Variants in ANKRD36 observed in about 807,000 individuals in gnomAD.
ANKRD36 encodes the protein ankyrin repeat domain 36.
A neutral mutation model predicts 278.1 loss-of-function variants in ANKRD36; 179 were observed. The ratio of observed to expected loss-of-function variants is 0.64; its 90% CI spans 0.57 to 0.73. The LOEUF (loss-of-function observed/expected upper bound fraction) is 0.73. Ranked by LOEUF, ANKRD36 falls within the 30% of genes least tolerant of loss-of-function variation. The pLI is 0.00. For missense variants in ANKRD36, 1,159 were observed against 1,956.7 expected (o/e 0.59, Z 7.69); for synonymous variants, 320 against 641.1 (o/e 0.50, Z 7.57).
intron 22 of ANKRD36, among the ~76,000 whole-genome samples, chr2:97,178,706 AT>A (rs1005181035): frequency 2.0e-5 from 3 of 150,568 alleles, no homozygotes; most frequent in Non-Finnish European, 4.4e-5. Context: ...GAGGGATAGC[AT>A]TGGGAGATAT....
chr2:97,148,051 ATCT>A (rs1261436124), intron 11 of ANKRD36, among the ~76,000 whole-genome samples: 2 of 152,028 alleles, frequency 1.3e-5, no homozygotes, highest in Admixed American at 6.6e-5. Context: ...ATGTGGTATC[ATCT>A]TCTTCCATCC....
chr2:97,229,830 C>A (rs1476243191), intron 67 of ANKRD36, among the ~76,000 whole-genome samples: 2 of 152,002 alleles, frequency 1.3e-5, no homozygotes, highest in Non-Finnish European at 2.9e-5. Flanking sequence ...TAGGGCAAGC[C>A]TGGTGGTGAC....
At chr2:97,202,078 G>C (rs868747695) in intron 46 of ANKRD36, 124 bp from the exon 47 acceptor site, 283 of 1,546,510 alleles carry the variant, frequency 1.8e-4, no homozygotes, top group Middle Eastern at 7.0e-4. Context: ...ACACAAAGTA[G>C]AAGCCATGAA....
intron 15 of ANKRD36, among the ~76,000 whole-genome samples, chr2:97,157,644 A>T (rs1337964278): frequency 6.9e-6 from 1 of 144,098 alleles, no homozygotes; most frequent in Non-Finnish European, 1.5e-5. Context: ...AATAGAAGCA[A>T]CTTACACTGT....
chr2:97,118,400 T>C lies in ANKRD36; in HGVS notation c.369T>C (p.Asn123=). ...CATLLLQNGA[N]PNITDFFGRT... The stretch of plus-strand genomic sequence containing the variant: ...CTCTTCTGCTGCAAAATGGCGCCAA[T>C]CCAAATATTACGGATTTCTTTGGAA... Residue 123 remains asparagine (N), a synonymous_variant, in exon 3 of 76, where the codon AAT becomes AAC. Coordinates refer to ENST00000420699, the MANE Select transcript of ANKRD36 (RefSeq NM_001354587.1). The C allele has an allele frequency of 6.2e-7, 1 of 1,608,226 alleles. No homozygotes were observed. Among genetic ancestry groups the C allele is most frequent in the Non-Finnish European group, 8.5e-7 (1 of 1,177,690 alleles).
intron 54 of ANKRD36, among the ~76,000 whole-genome samples, chr2:97,209,017 T>C (rs1169826677): frequency 6.8e-6 from 1 of 146,728 alleles, no homozygotes; most frequent in East Asian, 2.0e-4. Context: ...TATTATCCTT[T>C]GGTGCCAAGA....
chr2:97,185,538 A>G lies in ANKRD36; in HGVS notation c.2041+28A>G, dbSNP rs547677979. The G allele has an allele frequency of 2.1e-4, 343 of 1,602,838 alleles. 2 individuals carry two copies. In the African/African-American group the frequency reaches 3.6e-3, roughly 17 times the overall value. On this transcript the variant is annotated intron_variant, in intron 30 of 75. Transcript: ENST00000420699. The stretch of plus-strand genomic sequence containing the variant: ...AATTTTGCAAAACACATTTAATGTC[A>G]TGTTCAGTCCAGATAGAAAAGAACT...
At chr2:97,200,568 A>G (rs2061070433) in intron 46 of ANKRD36, 43 bp downstream of exon 46, 1 of 1,538,156 alleles carries the variant, frequency 6.5e-7, no homozygotes, top group Admixed American at 2.0e-5. Context: ...CAGTCCAGAT[A>G]AGAAGTTCTC....
At chr2:97,134,230 G>A (rs4101902) in intron 6 of ANKRD36, among the ~76,000 whole-genome samples, 87,298 of 149,958 alleles carry the variant, frequency 0.58, 29,364 homozygotes, top group Non-Finnish European at 0.78. Flanking sequence ...GCTATCCATT[G>A]TGCTTTTTTG....
At chr2:97,162,945 CAAT>C (rs943872190) in intron 18 of ANKRD36, among the ~76,000 whole-genome samples, 31 of 152,332 alleles carry the variant, frequency 2.0e-4, no homozygotes, top group African/African-American at 7.5e-4. Context: ...GTGTAACTGT[CAAT>C]AATCATGGCA....
chr2:97,200,598 G>T, intron 46 of ANKRD36, 73 bp downstream of exon 46: 3 of 1,530,824 alleles, frequency 2.0e-6, no homozygotes, highest in East Asian at 4.9e-5. Context: ...TAAATCAGTC[G>T]GGGGCTGGTT....
rs2443855 is a variant in ANKRD36, at chr2:97,179,743, T to C, written c.1639T>C (p.Ser547Pro). 6.1e-5 allele frequency: 98 copies of C among 1,593,684 alleles called. No homozygotes were observed. The highest frequency in any genetic ancestry group is 1.6e-4 in the African/African-American group (12 of 74,660). ...GTATCCCTTTTGCTTTTCAGTGTCT[T>C]CTCAGAAACAACCAGCTGAGAAGGT... Reference protein sequence around the residue: ...KDSPPPGKVSSQKQPAEKATS... With the variant: ...KDSPPPGKVSPQKQPAEKATS... The change falls in exon 23 of 76, where the codon TCT becomes CCT. Residue 547 changes from serine to proline, a missense_variant. Coordinates refer to ENST00000420699, the MANE Select transcript of ANKRD36 (RefSeq NM_001354587.1).
intron 39 of ANKRD36, 38 bp downstream of exon 39, chr2:97,194,792 G>C (rs149975528): frequency 1.9e-6 from 3 of 1,602,264 alleles, no homozygotes; most frequent in Non-Finnish European, 8.5e-7. Context: ...GCTAGTAAAC[G>C]TATAGCCTAT....
chr2:97,139,980 T>A (rs1473129735), intron 6 of ANKRD36, among the ~76,000 whole-genome samples: 2 of 151,936 alleles, frequency 1.3e-5, no homozygotes, highest in East Asian at 3.8e-4. Flanking sequence ...AAAAACACCC[T>A]GTAAAGCTGT....
intron 12 of ANKRD36, among the ~76,000 whole-genome samples, chr2:97,149,841 A>C (rs1157695524): frequency 6.6e-6 from 1 of 151,740 alleles, no homozygotes; most frequent in African/African-American, 2.4e-5. Context: ...ATATTTTGAT[A>C]TCATACTGTA....
rs550176856 is a variant in ANKRD36, at chr2:97,113,864, A to C, written c.125A>C (p.His42Pro). The C allele has an allele frequency of 1.2e-5, 20 of 1,608,418 alleles. No homozygotes were observed. The highest frequency in any genetic ancestry group is 1.7e-5 in the Non-Finnish European group (20 of 1,178,080). Residue 42 changes from histidine to proline, a missense_variant, in exon 1 of 76, where the codon CAT becomes CCT. By Grantham distance (77) the His-to-Pro change is moderately conservative. Transcript: ENST00000420699. ...AAGAGGATCCACAGAGCTGTCTTAC[A>C]TGGTAATCTAGAGAAACTGAAGTAC... The part of the protein sequence containing the change: ...HLKRIHRAVL[H>P]GNLEKLKYLL...
At chr2:97,138,106 A>G (rs1195620055) in intron 6 of ANKRD36, among the ~76,000 whole-genome samples, 18 of 151,764 alleles carry the variant, frequency 1.2e-4, no homozygotes, top group Non-Finnish European at 1.8e-4. Context: ...GTAATCAGGC[A>G]AGAGAAAGAA....
chr2:97,210,469 A>G lies in ANKRD36; in HGVS notation c.3367+597A>G, dbSNP rs1190355230. Among the ~76,000 whole-genome samples the G allele has an allele frequency of 3.3e-5, 5 of 151,866 alleles. No homozygotes were observed. The South Asian group carries it at 8.3e-4, about 25-fold the overall frequency. ...TTTGATTTTGGCTGCTCGAGGAACT[A>G]CTGGAAGCAGGAAACAATGGTATAA... is the stretch of plus-strand genomic sequence containing the variant. On this transcript the variant is annotated intron_variant, in intron 56 of 75. Coordinates refer to ENST00000420699, the MANE Select transcript of ANKRD36 (RefSeq NM_001354587.1).
chr2:97,125,367 A>G (rs933496704), intron 5 of ANKRD36, among the ~76,000 whole-genome samples: 1 of 132,330 alleles, frequency 7.6e-6, no homozygotes, highest in Non-Finnish European at 1.6e-5. Flanking sequence ...TAACTTTATC[A>G]ACACACATAC....
Sources: gnomAD v4.1 joint callset for allele counts (sites outside exome capture counted in the v4.1 genomes callset) on GRCh38, gnomAD v4.1.1 for gene constraint, MANE v1.5 for transcripts, NCBI Gene and HGNC (gene_info 2026-07-23, HGNC 2026-07-21) for gene names.